The following TULP4 variants were observed in gnomAD, a reference collection of about 807,000 sequenced individuals.
TULP4 encodes the protein TUB like protein 4, also known as tubby-related protein 4.
TULP4 carries 16 observed loss-of-function variants against 129.0 expected under a neutral mutation model. The observed-to-expected ratio is 0.12, with a 90% CI of 0.08 to 0.19. The LOEUF (loss-of-function observed/expected upper bound fraction) is 0.19. Ranked by LOEUF, TULP4 falls within the 10% of genes least tolerant of loss-of-function variation. TULP4 has a pLI of 1.00. For synonymous variants in TULP4, 998 were observed against 854.0 expected, an observed-to-expected ratio of 1.17 and a Z score of -2.94; for missense variants, 1,842 against 2,059.1, an observed-to-expected ratio of 0.89 and a Z score of 2.04.
intron 1 of TULP4, among the ~76,000 whole-genome samples, chr6:158,332,186 AAAAAAAAAAAAAAAATAT>A (rs1417514446): frequency 5.4e-3 from 82 of 15,158 alleles, no homozygotes; most frequent in East Asian, 0.02. Context: ...AAAAAAAAAA[AAAAAAAAAAAAAAAATAT>A]ATATATATAT....
intron 1 of TULP4, among the ~76,000 whole-genome samples, chr6:158,320,155 G>C (rs759165570): frequency 9.2e-5 from 14 of 152,198 alleles, no homozygotes; most frequent in Non-Finnish European, 1.6e-4. Flanking sequence ...CTCCAAGGGG[G>C]ACTCTTCGTG....
chr6:158,360,079 C>G (rs1780747942), intron 1 of TULP4, among the ~76,000 whole-genome samples: 3 of 152,036 alleles, frequency 2.0e-5, no homozygotes, highest in South Asian at 2.1e-4. Flanking sequence ...AGCCTTCCCC[C>G]CTTCCCTTTT....
chr6:158,243,034 G>A (rs1051863075), intron 1 of TULP4, among the ~76,000 whole-genome samples: 7 of 152,072 alleles, frequency 4.6e-5, no homozygotes, highest in Non-Finnish European at 5.9e-5. Flanking sequence ...TGATCCGCCC[G>A]CCTCGGCCTC....
chr6:158,350,617 C>G (rs532723889), intron 1 of TULP4, among the ~76,000 whole-genome samples: 1 of 151,986 alleles, frequency 6.6e-6, no homozygotes, highest in African/African-American at 2.4e-5. Context: ...CCCAGGCACT[C>G]GGCAGGCCGA....
At chr6:158,311,000 A>G (rs946457920), upstream of TULP4, among the ~76,000 whole-genome samples, 1 of 151,782 alleles carries the variant, frequency 6.6e-6, no homozygotes, top group Non-Finnish European at 1.5e-5. Flanking sequence ...CTACTGGTGC[A>G]GTTGGTACCT....
intron 1 of TULP4, among the ~76,000 whole-genome samples, chr6:158,294,743 T>C (rs1242668749): frequency 6.6e-6 from 1 of 152,168 alleles, no homozygotes; most frequent in Non-Finnish European, 1.5e-5. Context: ...TCTTCTTCTT[T>C]TTTTGAGACA....
chr6:158,349,752 G>A (rs1780451963), intron 1 of TULP4, among the ~76,000 whole-genome samples: 1 of 140,022 alleles, frequency 7.1e-6, no homozygotes, highest in Non-Finnish European at 1.5e-5. Context: ...TCCCAGACGG[G>A]GTGGCTGGGC....
At chr6:158,318,184 G>A (rs1455062088) in intron 1 of TULP4, among the ~76,000 whole-genome samples, 1 of 152,090 alleles carries the variant, frequency 6.6e-6, no homozygotes. Flanking sequence ...ATTTGGCTGG[G>A]CATGGTGGCA....
At chr6:158,364,003 A>C (rs551011932) in intron 1 of TULP4, among the ~76,000 whole-genome samples, 2 of 152,184 alleles carry the variant, frequency 1.3e-5, no homozygotes, top group South Asian at 2.1e-4. Flanking sequence ...AATTAAAAAA[A>C]CCCACAATTT....
At chr6:158,444,324 A>G (rs341126) in intron 3 of TULP4, among the ~76,000 whole-genome samples, 71,491 of 142,892 alleles carry the variant, frequency 0.5, 18,603 homozygotes, top group African/African-American at 0.67. Context: ...GAGGGGCATC[A>G]TGGCTATTTT....
intron 6 of TULP4, among the ~76,000 whole-genome samples, chr6:158,463,202 T>C (rs1779481548): frequency 6.6e-6 from 1 of 152,246 alleles, no homozygotes; most frequent in Non-Finnish European, 1.5e-5. Flanking sequence ...CACACTCTGA[T>C]TTTATATTTG....
chr6:158,300,244 C>T (rs958507129), intron 1 of TULP4, among the ~76,000 whole-genome samples: 2 of 152,208 alleles, frequency 1.3e-5, no homozygotes, highest in Non-Finnish European at 1.5e-5. Context: ...CTCTTCCCCA[C>T]GTTGTAATTG....
chr6:158,425,914 C>G (rs1008558415), intron 2 of TULP4, among the ~76,000 whole-genome samples: 2 of 152,120 alleles, frequency 1.3e-5, no homozygotes, highest in Non-Finnish European at 2.9e-5. Flanking sequence ...ACTTTTTAAT[C>G]GTAGCCATTC....
intron 1 of TULP4, among the ~76,000 whole-genome samples, chr6:158,342,560 T>C (rs867165689): frequency 1.7e-4 from 26 of 152,348 alleles, no homozygotes; most frequent in Admixed American, 2.0e-4. Flanking sequence ...TTTCCTAGAA[T>C]AATGAGACAA....
rs144027997 is a variant in TULP4, at chr6:158,381,831, T to C, written c.253-31234T>C. Among the ~76,000 whole-genome samples the C allele has an allele frequency of 8.3e-3, 1,260 of 152,342 alleles. 18 individuals are homozygous for C. The highest frequency in any genetic ancestry group is 7.8e-3 in the Non-Finnish European group (533 of 68,012). On this transcript the variant is annotated intron_variant, in intron 1 of 13. Coordinates refer to ENST00000367097, the MANE Select transcript of TULP4 (RefSeq NM_020245.5). ...TAGCTTCTCTTAATGAAACCTCAGGTAAATGAATTTTCTCTTAATCATTTG... is the reference window on the plus strand; with the variant it reads ...TAGCTTCTCTTAATGAAACCTCAGGCAAATGAATTTTCTCTTAATCATTTG...
intron 1 of TULP4, among the ~76,000 whole-genome samples, chr6:158,401,904 G>A (rs965300323): frequency 1.3e-5 from 2 of 151,862 alleles, no homozygotes; most frequent in African/African-American, 4.8e-5. Flanking sequence ...ATCTCAATAT[G>A]GTTGAAAATT....
Position 158,449,155 on chromosome 6 carries a change from G to A in TULP4, c.703G>A (p.Asp235Asn), listed in dbSNP as rs1779113092. 1 of 1,613,416 alleles carries A rather than the reference G, an allele frequency of 6.2e-7. No individual in the cohort carries two copies. Among genetic ancestry groups the A allele is most frequent in the East Asian group, 2.2e-5 (1 of 44,874 alleles). Residue 235 changes from aspartate to asparagine, a missense_variant, in exon 4 of 14, where the codon GAT (aspartate) becomes AAT (asparagine). Asp to Asn is a conservative substitution (Grantham distance 23, BLOSUM62 1). Around this residue, in one of 5 missense-constraint regions of TULP4, gnomAD observed 456 missense variants for 534.3 expected, o/e 0.85. Transcript: ENST00000367097. ...EDSSESDTDS[D>N]DYAPPQDGPA... ...CAGCAGCGAGAGCGACACGGACTCA[G>A]ATGACTACGCCCCTCCCCAAGGTAC...
At chr6:158,383,640 A>G (rs1777376382) in intron 1 of TULP4, among the ~76,000 whole-genome samples, 1 of 152,158 alleles carries the variant, frequency 6.6e-6, no homozygotes, top group South Asian at 2.1e-4. Context: ...ATTAAACTGG[A>G]CTTGAAAGAG....
At chr6:158,429,606 T>G in intron 2 of TULP4, 130 bp from the exon 3 acceptor site, 1 of 1,017,828 alleles carries the variant, frequency 9.8e-7, no homozygotes, top group Non-Finnish European at 1.4e-6. Context: ...AGCTTTCAAA[T>G]AACATATGTT....
Sources: gnomAD v4.1 joint callset for allele counts (sites outside exome capture counted in the v4.1 genomes callset) on GRCh38, gnomAD v4.1.1 for gene constraint, gnomAD v4.1.1 regional missense constraint, MANE v1.5 for transcripts, NCBI Gene and HGNC (gene_info 2026-07-23, HGNC 2026-07-21) for gene names.